The following FAT3 variants were observed in gnomAD, a reference collection of about 807,000 sequenced individuals.
The protein encoded by FAT3 is protocadherin Fat 3.
Under a neutral mutation model 310.2 loss-of-function variants are expected in FAT3, and 95 were observed. That is an observed-to-expected ratio of 0.31 (90% confidence interval 0.26 to 0.36). The LOEUF (loss-of-function observed/expected upper bound fraction) is 0.36, where lower values mean the gene tolerates loss of function less well. FAT3 is among the 10% of genes least tolerant of loss of function. FAT3 has a pLI of 1.00. For synonymous variants in FAT3, 2,314 were observed against 2,192.9 expected, an observed-to-expected ratio of 1.06 and a Z score of -1.54; for missense variants, 5,408 against 5,715.6, an observed-to-expected ratio of 0.95 and a Z score of 1.74.
At chr11:92,375,539 G>A (rs1017939128) in intron 2 of FAT3, among the ~76,000 whole-genome samples, 1 of 152,174 alleles carries the variant, frequency 6.6e-6, no homozygotes, top group Non-Finnish European at 1.5e-5. Flanking sequence ...TTTTCCCTTA[G>A]CCCCAGGGAT....
At chr11:92,502,409 A>C (rs1170528509) in intron 2 of FAT3, among the ~76,000 whole-genome samples, 1 of 152,202 alleles carries the variant, frequency 6.6e-6, no homozygotes, top group East Asian at 1.9e-4. Context: ...GGAGTATTGC[A>C]TTAGAAGATA....
At chr11:92,583,569 C>T (rs1938948580) in intron 3 of FAT3, among the ~76,000 whole-genome samples, 1 of 151,640 alleles carries the variant, frequency 6.6e-6, no homozygotes. Flanking sequence ...CATTCTGAGC[C>T]TTGCCCCCTA....
intron 13 of FAT3, among the ~76,000 whole-genome samples, chr11:92,819,863 G>A (rs1382927558): frequency 2.6e-5 from 4 of 152,134 alleles, no homozygotes; most frequent in Non-Finnish European, 5.9e-5. Flanking sequence ...TACATTTATT[G>A]TAGAATGTGA....
rs765599913 is a variant in FAT3, at chr11:92,798,108, T to C, written c.5095T>C (p.Ser1699Pro). 1.2e-6 allele frequency: 2 copies of C among 1,613,914 alleles called. No homozygotes were observed. The highest frequency in any genetic ancestry group is 1.7e-6 in the Non-Finnish European group (2 of 1,179,856). ...CATTCTAATCTCTGCCATCAGTCAA[T>C]CTACCCTCATTTATGAAGTCAAAGA... ...SVILISAISQ[S>P]TLIYEVKDGD... The change falls in exon 10 of 28, where the codon TCT becomes CCT. Residue 1699 changes from serine to proline, a missense_variant. Coordinates refer to ENST00000525166, the MANE Select transcript of FAT3 (RefSeq NM_001367949.2).
intron 1 of FAT3, among the ~76,000 whole-genome samples, chr11:92,226,207 A>G (rs759426038): frequency 6.6e-6 from 1 of 152,044 alleles, no homozygotes; most frequent in Non-Finnish European, 1.5e-5. Context: ...GGAGTCGCTG[A>G]GCTAAAGTGC....
intron 2 of FAT3, among the ~76,000 whole-genome samples, chr11:92,478,917 G>C (rs1382743138): frequency 2.4e-5 from 3 of 124,730 alleles, no homozygotes; most frequent in Non-Finnish European, 5.1e-5. Context: ...CGCCTGGCTG[G>C]CTTTCTTTCT....
At chr11:92,357,153 C>T (rs759893841) in intron 2 of FAT3, among the ~76,000 whole-genome samples, 13 of 152,134 alleles carry the variant, frequency 8.5e-5, no homozygotes, top group Non-Finnish European at 1.6e-4. Context: ...TGTACTAATA[C>T]TTTACTACTA....
intron 1 of FAT3, among the ~76,000 whole-genome samples, chr11:92,240,971 GT>G (rs1240806761): frequency 6.7e-6 from 1 of 149,894 alleles, no homozygotes; most frequent in Non-Finnish European, 1.5e-5. Flanking sequence ...AATCATTTCT[GT>G]TTTTACTTTG....
At position 92,859,335 on chromosome 11, in the gene FAT3, G is replaced by C. The variant is rs2057753263; in HGVS notation, c.11658+13G>C. ...CATAATTCTGAAGGTAATTAAAATG[G>C]GTTATCTTTTTCTGCAGTCAGTTCT... On this transcript the variant is annotated intron_variant, in intron 21 of 27. Transcript: ENST00000525166. The C allele has an allele frequency of 1.3e-6, 2 of 1,565,822 alleles. No homozygotes were observed. Among genetic ancestry groups the C allele is most frequent in the South Asian group, 2.4e-5 (2 of 84,356 alleles).
intron 3 of FAT3, among the ~76,000 whole-genome samples, chr11:92,689,526 C>T (rs1430674790): frequency 1.3e-5 from 2 of 152,096 alleles, no homozygotes; most frequent in Non-Finnish European, 2.9e-5. Flanking sequence ...AACTTAATAG[C>T]CTAGAGACTT....
chr11:92,574,912 G>T (rs1227846687), intron 3 of FAT3, among the ~76,000 whole-genome samples: 1 of 152,118 alleles, frequency 6.6e-6, no homozygotes, highest in Non-Finnish European at 1.5e-5. Context: ...GAGGCTTCCA[G>T]TGTTTCCCTC....
intron 3 of FAT3, among the ~76,000 whole-genome samples, chr11:92,616,388 G>T (rs1020109619): frequency 6.6e-6 from 1 of 152,020 alleles, no homozygotes; most frequent in Non-Finnish European, 1.5e-5. Flanking sequence ...AGTGAGATGG[G>T]TCTCCTGAAT....
intron 3 of FAT3, among the ~76,000 whole-genome samples, chr11:92,680,813 A>G (rs1231301583): frequency 1.3e-5 from 2 of 152,190 alleles, no homozygotes; most frequent in African/African-American, 4.8e-5. Flanking sequence ...AGAGTTTAAA[A>G]TCACTTGCCC....
intron 3 of FAT3, among the ~76,000 whole-genome samples, chr11:92,679,069 G>A (rs1433485153): frequency 6.6e-6 from 1 of 152,074 alleles, no homozygotes; most frequent in East Asian, 1.9e-4. Flanking sequence ...TTCTTTGGCT[G>A]GCTTGTTTCA....
chr11:92,779,193 A>G (rs1215166921), intron 7 of FAT3, among the ~76,000 whole-genome samples: 1 of 152,150 alleles, frequency 6.6e-6, no homozygotes, highest in African/African-American at 2.4e-5. Context: ...AGGAGCAGGA[A>G]TAATGAAATG....
chr11:92,428,438 G>C (rs759987879), intron 2 of FAT3, among the ~76,000 whole-genome samples: 1 of 151,416 alleles, frequency 6.6e-6, no homozygotes, highest in South Asian at 2.1e-4. Flanking sequence ...GTACTTGTTT[G>C]CTCTTGCTTC....
chr11:92,587,609 G>A (rs1428938234), intron 3 of FAT3, among the ~76,000 whole-genome samples: 1 of 152,074 alleles, frequency 6.6e-6, no homozygotes, highest in Non-Finnish European at 1.5e-5. Context: ...TTGAGTTTGA[G>A]TATTTCATTC....
chr11:92,536,876 T>TTC (rs1954276227), intron 3 of FAT3, among the ~76,000 whole-genome samples: 2 of 152,084 alleles, frequency 1.3e-5, no homozygotes, highest in Non-Finnish European at 2.9e-5. Flanking sequence ...TTCCCAAGAG[T>TTC]AAAATTATAT....
At chr11:92,306,176 T>C (rs768780597) in intron 1 of FAT3, among the ~76,000 whole-genome samples, 11 of 152,062 alleles carry the variant, frequency 7.2e-5, no homozygotes, top group Non-Finnish European at 1.6e-4. Context: ...GTTACCCTTC[T>C]AAGAAAATGA....
Sources: allele counts gnomAD v4.1 joint callset (sites outside exome capture counted in the v4.1 genomes callset), GRCh38; gene constraint gnomAD v4.1.1; transcripts MANE v1.5; gene names NCBI Gene and HGNC (gene_info 2026-07-23, HGNC 2026-07-21).